Variants in RABGAP1L observed in about 807,000 individuals in gnomAD.
The protein encoded by RABGAP1L is rab GTPase-activating protein 1-like.
Under a neutral mutation model 137.7 loss-of-function variants are expected in RABGAP1L, and 63 were observed. The observed-to-expected ratio is 0.46, with a 90% CI of 0.37 to 0.56. RABGAP1L has a LOEUF of 0.56. Among genes scored for constraint, RABGAP1L ranks in the 20% least tolerant of loss-of-function variants. The probability of loss-of-function intolerance (pLI) is 0.00; values close to 1 mark genes in which losing one functional copy is unlikely to be tolerated. For missense variants in RABGAP1L, 1,095 were observed against 1,244.0 expected (o/e 0.88, Z 1.80); for synonymous variants, 431 against 433.7 (o/e 0.99, Z 0.08).
At chr1:174,720,492 T>C (rs915764344) in intron 17 of RABGAP1L, among the ~76,000 whole-genome samples, 4 of 152,024 alleles carry the variant, frequency 2.6e-5, no homozygotes, top group Admixed American at 2.6e-4. Context: ...ATTTTTTAAT[T>C]TTTTGTAGAG....
At chr1:174,471,382 GCTTTTGAA>G (rs1290928838) in intron 13 of RABGAP1L, among the ~76,000 whole-genome samples, 12 of 152,104 alleles carry the variant, frequency 7.9e-5, no homozygotes, top group Non-Finnish European at 1.8e-4. Context: ...TGTTCAACTT[GCTTTTGAA>G]TACCCAGTAT....
At chr1:174,413,958 A>T (rs1650246615) in intron 13 of RABGAP1L, among the ~76,000 whole-genome samples, 1 of 152,026 alleles carries the variant, frequency 6.6e-6, no homozygotes, top group Non-Finnish European at 1.5e-5. Context: ...GCAGGGATAG[A>T]CCAGCACATC....
chr1:174,550,893 TATACACACACAC>T (rs1666400607), intron 13 of RABGAP1L, among the ~76,000 whole-genome samples: 7 of 55,494 alleles, frequency 1.3e-4, no homozygotes, highest in African/African-American at 5.4e-4. Context: ...TATATATATA[TATACACACACAC>T]ATATACACAC....
At chr1:174,567,425 C>G (rs1667660719) in intron 13 of RABGAP1L, among the ~76,000 whole-genome samples, 1 of 151,914 alleles carries the variant, frequency 6.6e-6, no homozygotes, top group Non-Finnish European at 1.5e-5. Context: ...TTATCTCATG[C>G]CTTATATTTT....
At chr1:174,633,716 C>G (rs1318366966) in intron 13 of RABGAP1L, among the ~76,000 whole-genome samples, 1 of 135,848 alleles carries the variant, frequency 7.4e-6, no homozygotes, top group Non-Finnish European at 1.6e-5. Context: ...ACAGAGCCCT[C>G]AGAAATAACG....
intron 13 of RABGAP1L, among the ~76,000 whole-genome samples, chr1:174,587,232 A>T (rs1428693008): frequency 7.4e-6 from 1 of 135,302 alleles, no homozygotes; most frequent in Non-Finnish European, 1.5e-5. Flanking sequence ...TCTTTATAGC[A>T]GCATGATTTA....
chr1:174,555,249 T>C (rs1016313774), intron 13 of RABGAP1L, among the ~76,000 whole-genome samples: 1 of 152,220 alleles, frequency 6.6e-6, no homozygotes, highest in Admixed American at 6.5e-5. Context: ...TTATCTTTCA[T>C]ACTCAATTTC....
At chr1:174,219,769 T>C (rs1379303529) in intron 2 of RABGAP1L, among the ~76,000 whole-genome samples, 1 of 152,180 alleles carries the variant, frequency 6.6e-6, no homozygotes, top group Non-Finnish European at 1.5e-5. Flanking sequence ...CATTTGAGTT[T>C]TTATTTAGAT....
intron 1 of RABGAP1L, among the ~76,000 whole-genome samples, chr1:174,209,468 A>T (rs1227101538): frequency 6.6e-6 from 1 of 152,110 alleles, no homozygotes; most frequent in East Asian, 1.9e-4. Flanking sequence ...AAGTATACCA[A>T]ATGGGCCTGT....
intron 13 of RABGAP1L, among the ~76,000 whole-genome samples, chr1:174,404,032 A>G (rs1386112468): frequency 1.3e-5 from 2 of 152,128 alleles, no homozygotes; most frequent in Non-Finnish European, 2.9e-5. Flanking sequence ...CTCTTGATTG[A>G]TCAACTTTTA....
intron 15 of RABGAP1L, among the ~76,000 whole-genome samples, chr1:174,694,069 TTAAG>T (rs764695828): frequency 2.0e-5 from 3 of 152,300 alleles, no homozygotes; most frequent in Non-Finnish European, 2.9e-5. Context: ...TTACATTGTA[TTAAG>T]TATTATAAAG....
At chr1:174,383,278 C>T (rs1174530383) in intron 12 of RABGAP1L, among the ~76,000 whole-genome samples, 1 of 151,466 alleles carries the variant, frequency 6.6e-6, no homozygotes, top group African/African-American at 2.4e-5. Context: ...GTGGAGCCTA[C>T]AGAGGCAGGC....
chr1:174,476,471 C>G (rs999829375), intron 13 of RABGAP1L, among the ~76,000 whole-genome samples: 2 of 152,118 alleles, frequency 1.3e-5, no homozygotes, highest in African/African-American at 4.8e-5. Flanking sequence ...AGACAAAACA[C>G]AAGAGATTTA....
chr1:174,540,054 C>T (rs188043148), intron 13 of RABGAP1L, among the ~76,000 whole-genome samples: 3 of 152,292 alleles, frequency 2.0e-5, no homozygotes, highest in Admixed American at 2.0e-4. Context: ...TGATGATAAG[C>T]ATTTTTTCAT....
chr1:174,861,241 C>T (rs928299099), intron 19 of RABGAP1L, among the ~76,000 whole-genome samples: 2 of 152,168 alleles, frequency 1.3e-5, no homozygotes, highest in African/African-American at 2.4e-5. Flanking sequence ...CTTCCAGCTT[C>T]ATCCATGTTG....
intron 13 of RABGAP1L, among the ~76,000 whole-genome samples, chr1:174,459,645 T>C (rs914360239): frequency 3.3e-5 from 5 of 152,258 alleles, no homozygotes; most frequent in African/African-American, 7.2e-5. Flanking sequence ...TTCAAGTACA[T>C]GTACAAGTCT....
At chr1:174,659,952 A>T (rs1676253028) in intron 14 of RABGAP1L, among the ~76,000 whole-genome samples, 1 of 152,220 alleles carries the variant, frequency 6.6e-6, no homozygotes, top group African/African-American at 2.4e-5. Context: ...CCACCAGAAC[A>T]GCAATCCCAG....
Position 174,252,593 on chromosome 1 carries a change from A to G in RABGAP1L, c.986+3A>G. On this transcript the variant is annotated splice_donor_region_variant and intron_variant, in intron 7 of 25. Coordinates refer to ENST00000681986, the MANE Select transcript of RABGAP1L (RefSeq NM_001366446.1). ...AACAAAGAATTAGCTATTGAAAGGT[A>G]AGCAGCTTGCTCCTAAATGCTACCA... 1 of 1,608,704 alleles carries G rather than the reference A, an allele frequency of 6.2e-7. No individual in the cohort carries two copies. Among genetic ancestry groups the G allele is most frequent in the Non-Finnish European group, 8.5e-7 (1 of 1,178,410 alleles).
chr1:174,916,476 A>G (rs572236793), intron 19 of RABGAP1L, among the ~76,000 whole-genome samples: 82 of 152,356 alleles, frequency 5.4e-4, no homozygotes, highest in African/African-American at 1.8e-3. Flanking sequence ...GATAAGAAGC[A>G]TGTCAACCCA....
Sources: gnomAD v4.1 joint callset for allele counts (sites outside exome capture counted in the v4.1 genomes callset) on GRCh38, gnomAD v4.1.1 for gene constraint, MANE v1.5 for transcripts, NCBI Gene and HGNC (gene_info 2026-07-23, HGNC 2026-07-21) for gene names.